The following SART1 variants were observed in gnomAD, a reference collection of about 807,000 sequenced individuals.
SART1 encodes spliceosome associated factor 1, recruiter of U4/U6.U5 tri-snRNP.
Under a neutral mutation model 105.0 loss-of-function variants are expected in SART1, and 28 were observed. The observed-to-expected ratio is 0.27, with a 90% CI of 0.20 to 0.37. SART1 has a LOEUF of 0.37. Among genes scored for constraint, SART1 ranks in the 10% least tolerant of loss-of-function variants. The pLI is 1.00. For synonymous variants in SART1, 472 were observed against 462.9 expected (o/e 1.02, Z -0.25); for missense variants, 894 against 1,106.5 (o/e 0.81, Z 2.72).
At chr11:65,969,895 G>C (rs1855339868) in intron 12 of SART1, among the ~76,000 whole-genome samples, 1 of 152,068 alleles carries the variant, frequency 6.6e-6, no homozygotes, top group African/African-American at 2.4e-5. Context: ...GCTGATTTTT[G>C]TATTTTTTAG....
chr11:65,965,130 A>G lies in SART1; in HGVS notation c.466A>G (p.Ile156Val), dbSNP rs1481130475. 6.3e-7 allele frequency: 1 copy of G among 1,596,448 alleles called. No homozygotes were observed. Among genetic ancestry groups the G allele is most frequent in the South Asian group, 1.1e-5 (1 of 89,134 alleles). Residue 156 changes from isoleucine (I) to valine (V), a missense_variant, in exon 4 of 20, where the codon ATC becomes GTC. Transcript: ENST00000312397. Reference sequence around the variant, plus strand: ...GGAGGAGCCCGTGACAGCTGATGTCATCAACCCTATGGCCTTGCGACAGCG... The same window carrying G: ...GGAGGAGCCCGTGACAGCTGATGTCGTCAACCCTATGGCCTTGCGACAGCG... ...TKEEPVTADV[I>V]NPMALRQREE...
intron 8 of SART1, 44 bp downstream of exon 8, chr11:65,966,262 T>C (rs887644299): frequency 6.2e-7 from 1 of 1,613,646 alleles, no homozygotes; most frequent in Admixed American, 1.7e-5. Context: ...AGGTGGAGAA[T>C]GTCGGGAATG....
intron 12 of SART1, among the ~76,000 whole-genome samples, chr11:65,971,997 C>T (rs1370877010): frequency 6.6e-6 from 1 of 152,010 alleles, no homozygotes; most frequent in Non-Finnish European, 1.5e-5. Context: ...TATCTCAGCT[C>T]ACTGCAATTT....
At chr11:65,964,190 A>G (rs752671197) in intron 2 of SART1, 59 bp downstream of exon 2, 5 of 1,403,582 alleles carry the variant, frequency 3.6e-6, no homozygotes, top group Non-Finnish European at 5.0e-6. Flanking sequence ...CTCTGGGGCC[A>G]GCACGGGGGA....
chr11:65,978,844 C>G lies in SART1; in HGVS notation c.2314C>G (p.Leu772Val). 1.2e-6 allele frequency: 2 copies of G among 1,614,038 alleles called. No homozygotes were observed. Among genetic ancestry groups the G allele is most frequent in the Non-Finnish European group, 1.7e-6 (2 of 1,179,984 alleles). Residue 772 changes from leucine to valine, a missense_variant, in exon 19 of 20, where the codon CTC becomes GTC. Transcript: ENST00000312397. The surrounding 1 kb of genome is among the most constrained non-coding windows in gnomAD (Gnocchi z 6.8). Reference sequence around the variant, plus strand: ...CACGCCCCTGGGCACCGTGGCCCTGCTCCAGGAGAAGCAGAAGGCTCAGAA... The same window carrying G: ...CACGCCCCTGGGCACCGTGGCCCTGGTCCAGGAGAAGCAGAAGGCTCAGAA... ...SDTPLGTVALLQEKQKAQKTP... is the reference protein window; with the variant it reads ...SDTPLGTVALVQEKQKAQKTP...
chr11:65,966,259 G>A, intron 8 of SART1, 41 bp downstream of exon 8: 5 of 1,613,818 alleles, frequency 3.1e-6, no homozygotes, highest in Non-Finnish European at 4.2e-6. Context: ...CTGAGGTGGA[G>A]AATGTCGGGA....
chr11:65,968,020 G>T (rs1590636825), intron 12 of SART1, among the ~76,000 whole-genome samples, 199 bp downstream of exon 12: 1 of 148,212 alleles, frequency 6.7e-6, no homozygotes, highest in African/African-American at 2.5e-5. Flanking sequence ...CGCAGCCTCA[G>T]CTCACTGCAA....
chr11:65,979,297 A>C lies in SART1; in HGVS notation c.*267A>C, dbSNP rs767740911. On this transcript the variant is annotated 3_prime_UTR_variant, in exon 20 of 20. Transcript: ENST00000312397. ...CTCTGCAGGGCCGGCTCTCTGATAG[A>C]AAGTGGAAGGCGGTTTTAGAAACTC... The C allele has an allele frequency of 1.7e-5, 10 of 585,020 alleles. No homozygotes were observed. Among genetic ancestry groups the C allele is most frequent in the Non-Finnish European group, 3.0e-5 (10 of 329,174 alleles). 36.2% of individuals were successfully genotyped at this position (585,020 alleles called of 1,614,324 possible).
chr11:65,970,330 CA>C (rs1219517629), intron 12 of SART1, among the ~76,000 whole-genome samples: 4 of 152,290 alleles, frequency 2.6e-5, no homozygotes, highest in Non-Finnish European at 4.4e-5. Flanking sequence ...AGTTATCCCC[CA>C]AAATGTCTTT....
intron 3 of SART1, 113 bp downstream of exon 3, chr11:65,964,683 A>G (rs1346026515): frequency 5.4e-5 from 58 of 1,079,664 alleles, no homozygotes; most frequent in Non-Finnish European, 7.4e-5. Flanking sequence ...TTACACATGC[A>G]TATTTGCCGG....
intron 12 of SART1, among the ~76,000 whole-genome samples, chr11:65,974,909 G>T (rs1328417760): frequency 6.6e-6 from 1 of 150,644 alleles, no homozygotes; most frequent in Non-Finnish European, 1.5e-5. Context: ...GCGTGGTGGC[G>T]GGCGCCTGTA....
Position 65,976,649 on chromosome 11 carries a change from G to C in SART1, c.1747-7G>C, listed in dbSNP as rs763174089. 1.2e-6 allele frequency: 2 copies of C among 1,613,606 alleles called. No homozygotes were observed. The highest frequency in any genetic ancestry group is 1.7e-6 in the Non-Finnish European group (2 of 1,179,852). ...GCCTGGGCCGACCCTGGTCTTTTGT[G>C]CCCCAGGACTTTGAACGGGATGAGG... On this transcript the variant is annotated splice_polypyrimidine_tract_variant and splice_region_variant and intron_variant, in intron 13 of 19. Transcript: ENST00000312397. This position sits in a 1 kb window ranked among gnomAD's most constrained non-coding sequence, Gnocchi z 5.1.
In SART1 at chr11:65,977,671, T is replaced by C; in HGVS notation, c.2036+18T>C. On this transcript the variant is annotated intron_variant, in intron 16 of 19. Transcript: ENST00000312397. ...GATAAGATGTGAGTGTGGTGGGGCCTGTGCAGGGCTGAGGGGCCTGTGCCA... is the reference window on the plus strand; with the variant it reads ...GATAAGATGTGAGTGTGGTGGGGCCCGTGCAGGGCTGAGGGGCCTGTGCCA... 1 of 1,613,648 alleles carries C rather than the reference T, an allele frequency of 6.2e-7. No individual in the cohort carries two copies. The highest frequency in any genetic ancestry group is 8.5e-7 in the Non-Finnish European group (1 of 1,179,706).
Position 65,966,447 on chromosome 11 carries a change from T to C in SART1, c.1079T>C (p.Leu360Pro), listed in dbSNP as rs761499692. 1 of 1,613,352 alleles carries C rather than the reference T, an allele frequency of 6.2e-7. No individual in the cohort carries two copies. Among genetic ancestry groups the C allele is most frequent in the African/African-American group, 1.3e-5 (1 of 75,066 alleles). ...GAGCAGGGCGGCACGGCTGATGGCC[T>C]GCGGGAGCGGGAGCTGGAGGAGATC... ...RLEQGGTADG[L>P]RERELEEIRA... Residue 360 changes from leucine (L) to proline (P), a missense_variant, in exon 9 of 20, where the codon CTG becomes CCG. Coordinates refer to ENST00000312397, the MANE Select transcript of SART1 (RefSeq NM_005146.5).
At chr11:65,963,132 GT>G (rs1855179424) in intron 1 of SART1, among the ~76,000 whole-genome samples, 1 of 152,048 alleles carries the variant, frequency 6.6e-6, no homozygotes, top group Non-Finnish European at 1.5e-5. Context: ...AGAAGAGGGG[GT>G]CAGGACTAGA....
In SART1 at chr11:65,977,823, A is replaced by G. The variant is rs745658711; in HGVS notation, c.2096A>G (p.Lys699Arg). 3 of 1,614,010 alleles carry G rather than the reference A, an allele frequency of 1.9e-6. No individual in the cohort carries two copies. Among genetic ancestry groups the G allele is most frequent in the Non-Finnish European group, 2.5e-6 (3 of 1,179,988 alleles). Residue 699 changes from lysine to arginine, a missense_variant, in exon 17 of 20, where the codon AAG becomes AGG. Around this residue, in one of 2 missense-constraint regions of SART1, gnomAD observed 182 missense variants for 328.3 expected, o/e 0.55. Coordinates refer to ENST00000312397, the MANE Select transcript of SART1 (RefSeq NM_005146.5). Reference protein sequence around the residue: ...EEYRGFTQDFKEKDGYKPDVK... With the variant: ...EEYRGFTQDFREKDGYKPDVK... ...TACCGAGGCTTCACACAGGACTTCA[A>G]GGAGAAGGACGGCTACAAACCCGAC...
At position 65,979,071 on chromosome 11, in the gene SART1, A is replaced by T; in HGVS notation, c.*41A>T. ...CCGGCCCTGCCTCAACCTTCATATT[A>T]AATAAAGCTCCCTCCTTATTTTTTC... is the stretch of plus-strand genomic sequence containing the variant. On this transcript the variant is annotated 3_prime_UTR_variant, in exon 20 of 20. Transcript: ENST00000312397. 1 of 1,613,420 alleles carries T rather than the reference A, an allele frequency of 6.2e-7. No individual in the cohort carries two copies. The highest frequency in any genetic ancestry group is 8.5e-7 in the Non-Finnish European group (1 of 1,179,462).
At chr11:65,977,988 C>A in intron 17 of SART1, 89 bp downstream of exon 17, 2 of 1,425,082 alleles carry the variant, frequency 1.4e-6, no homozygotes, top group Non-Finnish European at 1.9e-6. Flanking sequence ...ATGCAATGCC[C>A]CAGGGTCCTG....
chr11:65,978,872 C>A lies in SART1; in HGVS notation c.2342C>A (p.Thr781Asn). The A allele has an allele frequency of 6.2e-7, 1 of 1,614,062 alleles. No homozygotes were observed. The highest frequency in any genetic ancestry group is 8.5e-7 in the Non-Finnish European group (1 of 1,179,992). ...CAGGAGAAGCAGAAGGCTCAGAAGACCCCCTACATCGTGCTCAGCGGCAGC... is the reference window on the plus strand; with the variant it reads ...CAGGAGAAGCAGAAGGCTCAGAAGAACCCCTACATCGTGCTCAGCGGCAGC... ...LLQEKQKAQK[T>N]PYIVLSGSGK... Residue 781 changes from threonine (T) to asparagine (N), a missense_variant, in exon 19 of 20, where the codon ACC becomes AAC. By Grantham distance (65) the Thr-to-Asn change is moderately conservative. Coordinates refer to ENST00000312397, the MANE Select transcript of SART1 (RefSeq NM_005146.5). This position sits in a 1 kb window ranked among gnomAD's most constrained non-coding sequence, Gnocchi z 6.8.
Sources: gnomAD v4.1 joint callset for allele counts (sites outside exome capture counted in the v4.1 genomes callset) on GRCh38, gnomAD v4.1.1 for gene constraint, gnomAD v4.1.1 regional missense constraint, Gnocchi (gnomAD v3.1) non-coding constraint, MANE v1.5 for transcripts, NCBI Gene and HGNC (gene_info 2026-07-23, HGNC 2026-07-21) for gene names.